The following FHL5 variants were observed in gnomAD, a reference collection of about 807,000 sequenced individuals.
FHL5 encodes four and a half LIM domains 5.
A neutral mutation model predicts 32.0 loss-of-function variants in FHL5; 33 were observed. The ratio of observed to expected loss-of-function variants is 1.03; its 90% confidence interval spans 0.78 to 1.38. The LOEUF (loss-of-function observed/expected upper bound fraction) is 1.38, where lower values mean the gene tolerates loss of function less well. Ranked by LOEUF, FHL5 falls within the 40% of genes most tolerant of loss-of-function variation. FHL5 has a pLI of 0.00. For synonymous variants in FHL5, 114 were observed against 113.6 expected (o/e 1.00, Z -0.02); for missense variants, 336 against 343.9 (o/e 0.98, Z 0.18).
chr6:96,584,042 C>T (rs1770747087), intron 1 of FHL5, among the ~76,000 whole-genome samples: 3 of 152,086 alleles, frequency 2.0e-5, no homozygotes, highest in Admixed American at 2.0e-4. Flanking sequence ...AGTCCTAAAA[C>T]ATTTACTGAG....
chr6:96,607,225 G>A (rs1455318430), intron 4 of FHL5, among the ~76,000 whole-genome samples: 2 of 148,858 alleles, frequency 1.3e-5, no homozygotes, highest in African/African-American at 5.2e-5. Context: ...AGTTTAAAAT[G>A]ACACCATAAA....
intron 1 of FHL5, among the ~76,000 whole-genome samples, chr6:96,578,106 A>T (rs1296488428): frequency 2.0e-5 from 3 of 152,202 alleles, no homozygotes; most frequent in African/African-American, 7.2e-5. Context: ...AAGTATAACA[A>T]AATGACTGCA....
chr6:96,604,364 T>C (rs1771224820), intron 2 of FHL5, among the ~76,000 whole-genome samples: 1 of 152,054 alleles, frequency 6.6e-6, no homozygotes, highest in Non-Finnish European at 1.5e-5. Flanking sequence ...GCCTTTGTTT[T>C]ACTTAGGTGA....
At chr6:96,588,008 AGT>A (rs1419592941) in intron 1 of FHL5, among the ~76,000 whole-genome samples, 1 of 152,164 alleles carries the variant, frequency 6.6e-6, no homozygotes, top group East Asian at 1.9e-4. Context: ...TGCTATGGCT[AGT>A]ATAAACTCCG....
At chr6:96,606,850 T>TGCAAATGTCTTC (rs890932189) in intron 4 of FHL5, among the ~76,000 whole-genome samples, 8 of 152,174 alleles carry the variant, frequency 5.3e-5, no homozygotes, top group Non-Finnish European at 1.0e-4. Context: ...TTCTCAGCAA[T>TGCAAATGTCTTC]GCAAATGTCT....
At chr6:96,569,096 T>C (rs1770422080) in intron 1 of FHL5, among the ~76,000 whole-genome samples, 1 of 151,948 alleles carries the variant, frequency 6.6e-6, no homozygotes, top group South Asian at 2.1e-4. Flanking sequence ...ACACTTACCT[T>C]CTAATACTGC....
At chr6:96,615,218 G>C (rs929225238) in intron 5 of FHL5, among the ~76,000 whole-genome samples, 5 of 152,126 alleles carry the variant, frequency 3.3e-5, no homozygotes, top group African/African-American at 1.2e-4. Flanking sequence ...AAGTCATATA[G>C]AGAAAAAGGG....
At chr6:96,564,928 C>T (rs976120053) in intron 1 of FHL5, among the ~76,000 whole-genome samples, 11 of 152,026 alleles carry the variant, frequency 7.2e-5, no homozygotes, top group Non-Finnish European at 1.0e-4. Flanking sequence ...AAGGAGGACT[C>T]CTTTTTGCCC....
At chr6:96,574,774 T>C (rs1337313561) in intron 1 of FHL5, among the ~76,000 whole-genome samples, 1 of 152,214 alleles carries the variant, frequency 6.6e-6, no homozygotes, top group Non-Finnish European at 1.5e-5. Context: ...AAATAATATA[T>C]ATAAAGTCAC....
At chr6:96,613,224 TTTTA>T (rs34308959) in intron 5 of FHL5, among the ~76,000 whole-genome samples, 56,938 of 151,774 alleles carry the variant, frequency 0.38, 11,107 homozygotes, top group African/African-American at 0.5. Context: ...TATGTACAAT[TTTTA>T]TTTGTCAATT....
At chr6:96,589,105 A>G (rs1770863167) in intron 1 of FHL5, among the ~76,000 whole-genome samples, 1 of 152,054 alleles carries the variant, frequency 6.6e-6, no homozygotes, top group Non-Finnish European at 1.5e-5. Flanking sequence ...TTCTTAAATA[A>G]TTATTTCCCC....
At chr6:96,569,587 T>C (rs190050290) in intron 1 of FHL5, among the ~76,000 whole-genome samples, 1 of 152,146 alleles carries the variant, frequency 6.6e-6, no homozygotes, top group Admixed American at 6.5e-5. Context: ...ATTATTTGCT[T>C]TATAAATCTG....
Position 96,615,722 on chromosome 6 carries a change from A to G in FHL5, c.805A>G (p.Lys269Glu). 6.2e-7 allele frequency: 1 copy of G among 1,612,074 alleles called. No homozygotes were observed. The highest frequency in any genetic ancestry group is 8.5e-7 in the Non-Finnish European group (1 of 1,179,166). Residue 269 changes from lysine (K) to glutamate (E), a missense_variant, in exon 6 of 6, where the codon AAG (lysine) becomes GAG (glutamate). Physicochemically the swap from Lys to Glu is moderately conservative, Grantham distance 56 (BLOSUM62 1). Transcript: ENST00000450218. The part of the protein sequence containing the change: ...LVGKGFLTQN[K>E]EIFCQKCGSG... ...GGGTAAAGGCTTCCTGACCCAGAAC[A>G]AGGAAATCTTCTGCCAAAAATGTGG...
At chr6:96,565,684 T>C (rs1223003053) in intron 1 of FHL5, among the ~76,000 whole-genome samples, 8 of 152,134 alleles carry the variant, frequency 5.3e-5, no homozygotes, top group African/African-American at 1.9e-4. Flanking sequence ...ATCATTGCAA[T>C]TATAATGCTC....
At chr6:96,584,597 G>A (rs1359869557) in intron 1 of FHL5, among the ~76,000 whole-genome samples, 2 of 151,996 alleles carry the variant, frequency 1.3e-5, no homozygotes, top group Non-Finnish European at 2.9e-5. Flanking sequence ...TATAGTCGAA[G>A]AAGAGCTGTT....
intron 4 of FHL5, among the ~76,000 whole-genome samples, chr6:96,610,351 T>C (rs918178768): frequency 7.2e-5 from 11 of 152,214 alleles, no homozygotes; most frequent in Non-Finnish European, 1.5e-4. Flanking sequence ...CTTCTCATAT[T>C]ATTAATTTTT....
intron 1 of FHL5, among the ~76,000 whole-genome samples, chr6:96,596,537 A>T (rs1486264087): frequency 6.6e-6 from 1 of 152,074 alleles, no homozygotes; most frequent in South Asian, 2.1e-4. Context: ...CTTTGAAAAC[A>T]CTGTGACCTT....
At chr6:96,571,781 A>G (rs1206069134) in intron 1 of FHL5, among the ~76,000 whole-genome samples, 1 of 152,092 alleles carries the variant, frequency 6.6e-6, no homozygotes, top group Non-Finnish European at 1.5e-5. Context: ...CAGAAACCTG[A>G]GTCAATAGGG....
At chr6:96,591,145 G>C (rs568905527) in intron 1 of FHL5, among the ~76,000 whole-genome samples, 33 of 152,194 alleles carry the variant, frequency 2.2e-4, no homozygotes, top group Non-Finnish European at 4.4e-4. Flanking sequence ...GTTTGTGTGA[G>C]ATTGCTGTTA....
Sources: gnomAD v4.1 joint callset for allele counts (sites outside exome capture counted in the v4.1 genomes callset) on GRCh38, gnomAD v4.1.1 for gene constraint, MANE v1.5 for transcripts, NCBI Gene and HGNC (gene_info 2026-07-23, HGNC 2026-07-21) for gene names.